LYRM4: variants seen among roughly 807,000 people sequenced by gnomAD.
LYRM4 encodes the protein LYR motif containing 4, also known as LYR motif-containing protein 4.
A neutral mutation model predicts 11.7 loss-of-function variants in LYRM4; 9 were observed. That is an observed-to-expected ratio of 0.77 (90% CI 0.46 to 1.34). The LOEUF is 1.34. Ranked by LOEUF, LYRM4 falls within the 40% of genes most tolerant of loss-of-function variation. The pLI, the probability that LYRM4 is intolerant of heterozygous loss-of-function variation, is 0.00. For missense variants in LYRM4, 133 were observed against 112.5 expected, an observed-to-expected ratio of 1.18 and a Z score of -0.82; for synonymous variants, 42 against 40.4, an observed-to-expected ratio of 1.04 and a Z score of -0.15.
intron 2 of LYRM4, among the ~76,000 whole-genome samples, chr6:5,117,883 C>A (rs545577257): frequency 4.2e-4 from 64 of 151,832 alleles, no homozygotes; most frequent in African/African-American, 1.4e-3. Context: ...AGTCTCTTAA[C>A]AGTTTTTTTT....
chr6:5,093,889 C>T, the LYRM4 span, among the ~76,000 whole-genome samples: 1 of 152,202 alleles, frequency 6.6e-6, no homozygotes, highest in African/African-American at 2.4e-5. Flanking sequence ...TGCAATGTAG[C>T]CTCGCCAGGT....
intron 1 of LYRM4, among the ~76,000 whole-genome samples, chr6:5,253,670 A>T (rs903199865): frequency 6.6e-6 from 1 of 152,146 alleles, no homozygotes; most frequent in African/African-American, 2.4e-5. Flanking sequence ...GTCGCCGGCC[A>T]TTGGAAGTTG....
chr6:5,082,723 C>T, the LYRM4 span, among the ~76,000 whole-genome samples: 2 of 152,242 alleles, frequency 1.3e-5, no homozygotes, highest in Non-Finnish European at 2.9e-5. Flanking sequence ...TGGTTAGTCA[C>T]ATTCATGACT....
At chr6:5,233,455 T>C (rs556651454) in intron 1 of LYRM4, among the ~76,000 whole-genome samples, 9 of 152,328 alleles carry the variant, frequency 5.9e-5, no homozygotes, top group Non-Finnish European at 4.4e-5. Flanking sequence ...GTTAGGGACC[T>C]GGATTCATTC....
intron 2 of LYRM4, among the ~76,000 whole-genome samples, chr6:5,119,843 T>C (rs1381371909): frequency 2.1e-5 from 3 of 144,744 alleles, no homozygotes; most frequent in Non-Finnish European, 4.5e-5. Flanking sequence ...AGGCCCACCA[T>C]GTGATGGTCT....
chr6:5,245,957 C>T (rs1216101845), intron 1 of LYRM4, among the ~76,000 whole-genome samples: 1 of 152,112 alleles, frequency 6.6e-6, no homozygotes, highest in Non-Finnish European at 1.5e-5. Context: ...GAAACACAGA[C>T]CATGGTAAGG....
chr6:5,041,229 AG>A, the LYRM4 span, among the ~76,000 whole-genome samples: 4 of 152,286 alleles, frequency 2.6e-5, no homozygotes, highest in South Asian at 8.3e-4. Flanking sequence ...TATAGTTAAA[AG>A]CTCAATAACT....
chr6:5,132,929 ATTT>A (rs1370113005), intron 2 of LYRM4: 1 of 152,142 alleles, frequency 6.6e-6, no homozygotes, highest in Non-Finnish European at 1.5e-5. Context: ...AGGAAATGAC[ATTT>A]CCTTCCCAGG....
rs745519309 is a variant in LYRM4 at position 5,154,818 on chromosome 6, C to CA, written c.208-45328dup. 3.0e-4 allele frequency among the ~76,000 whole-genome samples: 46 copies of CA among 151,448 alleles called. 1 individual carries two copies. The Middle Eastern group carries it at 0.017, about 58-fold the overall frequency. ...TGGGCGACAGAGCGAGACTCCGTCT[C>CA]AAAAAATAAATGAATAAATAAAAAT... On this transcript the variant is annotated intron_variant, in intron 2 of 2. Transcript: ENST00000330636.
At chr6:5,122,065 C>T (rs1216438127) in intron 2 of LYRM4, among the ~76,000 whole-genome samples, 1 of 152,152 alleles carries the variant, frequency 6.6e-6, no homozygotes, top group Non-Finnish European at 1.5e-5. Context: ...TTAATATTTG[C>T]TTTAATCAAA....
intron 2 of LYRM4, among the ~76,000 whole-genome samples, chr6:5,149,963 T>C (rs1284273281): frequency 6.6e-6 from 1 of 152,204 alleles, no homozygotes; most frequent in Non-Finnish European, 1.5e-5. Flanking sequence ...CACTCTAGGA[T>C]AAATGTAACA....
downstream of LYRM4, among the ~76,000 whole-genome samples, chr6:5,099,053 G>A (rs997969585): frequency 2.6e-5 from 4 of 152,044 alleles, no homozygotes; most frequent in South Asian, 2.1e-4. This position sits in a 1 kb window ranked among gnomAD's most constrained non-coding sequence, Gnocchi z 4.3. Flanking sequence ...TGGCATAAGC[G>A]CATCTCTCAG....
intron 1 of LYRM4, among the ~76,000 whole-genome samples, chr6:5,243,599 T>C (rs1764009912): frequency 1.3e-5 from 2 of 148,770 alleles, no homozygotes; most frequent in Non-Finnish European, 1.5e-5. Context: ...TGATAATAAT[T>C]ACATGCCTGA....
chr6:5,198,294 A>G (rs960185766), intron 2 of LYRM4, among the ~76,000 whole-genome samples: 1 of 152,184 alleles, frequency 6.6e-6, no homozygotes, highest in African/African-American at 2.4e-5. Flanking sequence ...GCAAATATCT[A>G]CTTGTCACAG....
intron 1 of LYRM4, among the ~76,000 whole-genome samples, chr6:5,246,494 C>A (rs984293298): frequency 6.6e-6 from 1 of 152,176 alleles, no homozygotes; most frequent in African/African-American, 2.4e-5. Flanking sequence ...CACATTTATC[C>A]TAGTGCCCAG....
intron 2 of LYRM4, chr6:5,136,814 T>C (rs2127618871): frequency 1.0e-6 from 1 of 985,368 alleles, no homozygotes; most frequent in South Asian, 4.7e-5. Context: ...CTCTGGTCTC[T>C]TCCTGATGTC....
intron 1 of LYRM4, 47 bp downstream of exon 1, chr6:5,260,601 C>CCGG: frequency 5.0e-6 from 6 of 1,202,672 alleles, no homozygotes; most frequent in Non-Finnish European, 7.0e-6. Context: ...CCCCCGGTCC[C>CCGG]CGGCCCCTGG....
Position 5,118,094 on chromosome 6 carries a change from A to ATATTTTTTT in LYRM4, c.208-8604_208-8603insAAAAAAATA. ...TCACCAAAACAATATATATATATAT[A>ATATTTTTTT]TTTTTGTTTTGTTTTGTTTTGTTTT... On this transcript the variant is annotated intron_variant, in intron 2 of 2. Coordinates refer to ENST00000330636, the MANE Select transcript of LYRM4 (RefSeq NM_020408.6). 3.8e-3 allele frequency among the ~76,000 whole-genome samples: 325 copies of ATATTTTTTT among 86,134 alleles called. 2 individuals are homozygous for ATATTTTTTT. Among genetic ancestry groups the ATATTTTTTT allele is most frequent in the Non-Finnish European group, 4.2e-3 (174 of 41,574 alleles). 56.5% of individuals were successfully genotyped at this position (86,134 alleles called of 152,430 possible). A position where few individuals can be genotyped will look rare whatever the true frequency, so the allele number is the denominator to read the frequency against.
Position 5,109,071 on chromosome 6 carries a change from C to T in LYRM4, c.*352G>A, listed in dbSNP as rs1340274063. Reference sequence around the variant, plus strand: ...GGAGGGGTTTATCTGGGGTCAAAGGCTCAGGGAGATCATTCTTTTTATTGC... The same window carrying T: ...GGAGGGGTTTATCTGGGGTCAAAGGTTCAGGGAGATCATTCTTTTTATTGC... On this transcript the variant is annotated 3_prime_UTR_variant, in exon 3 of 3. Coordinates refer to ENST00000330636, the MANE Select transcript of LYRM4 (RefSeq NM_020408.6). 2.8e-6 allele frequency: 3 copies of T among 1,059,516 alleles called. No individual in the cohort carries two copies. The highest frequency in any genetic ancestry group is 3.4e-6 in the Non-Finnish European group (3 of 874,474). The allele number at this position is 1,059,516 out of a possible 1,614,324, so 65.6% of individuals were successfully genotyped here. A position where few individuals can be genotyped will look rare whatever the true frequency, so the allele number is the denominator to read the frequency against.
Sources: gnomAD v4.1 joint callset for allele counts (sites outside exome capture counted in the v4.1 genomes callset) on GRCh38, gnomAD v4.1.1 for gene constraint, Gnocchi (gnomAD v3.1) non-coding constraint, MANE v1.5 for transcripts, NCBI Gene and HGNC (gene_info 2026-07-23, HGNC 2026-07-21) for gene names.